The following NIPAL4 variants were observed in gnomAD, a reference collection of about 807,000 sequenced individuals.
NIPAL4 encodes the protein magnesium transporter NIPA4.
A neutral mutation model predicts 31.6 loss-of-function variants in NIPAL4; 21 were observed. The observed-to-expected ratio is 0.67, with a 90% CI of 0.47 to 0.96. NIPAL4 has a LOEUF of 0.96. Among genes scored for constraint, NIPAL4 ranks in the 40% least tolerant of loss-of-function variants. The pLI, the probability that NIPAL4 is intolerant of heterozygous loss-of-function variation, is 0.00. For synonymous variants in NIPAL4, 175 were observed against 211.1 expected, an observed-to-expected ratio of 0.83 and a Z score of 1.48; for missense variants, 438 against 508.0, an observed-to-expected ratio of 0.86 and a Z score of 1.32.
chr5:157,461,370 G>A (rs886857648), intron 1 of NIPAL4, among the ~76,000 whole-genome samples: 3 of 152,240 alleles, frequency 2.0e-5, no homozygotes, highest in Non-Finnish European at 2.9e-5. Flanking sequence ...TGACTCAATG[G>A]AGGATGCTCA....
At chr5:157,469,718 G>C (rs927852893) in intron 4 of NIPAL4, among the ~76,000 whole-genome samples, 1 of 152,212 alleles carries the variant, frequency 6.6e-6, no homozygotes, top group Admixed American at 6.5e-5. Flanking sequence ...AGGAGACTCT[G>C]ATTGTTGGCG....
At position 157,473,102 on chromosome 5, in the gene NIPAL4, T is replaced by C. The variant is rs1476148299; in HGVS notation, c.*142T>C. 4 of 627,076 alleles carry C rather than the reference T, an allele frequency of 6.4e-6. No individual in the cohort carries two copies. Among genetic ancestry groups the C allele is most frequent in the Non-Finnish European group, 7.4e-6 (3 of 407,768 alleles). The allele number at this position is 627,076 out of a possible 1,614,324, so 38.8% of individuals were successfully genotyped here. On this transcript the variant is annotated 3_prime_UTR_variant, in exon 6 of 6. Transcript: ENST00000311946. ...AAGTTCATTTATACCTCATCACTGT[T>C]TCCAGGAGAAAAATCTTTACCCAAA... is the stretch of plus-strand genomic sequence containing the variant.
At chr5:157,467,240 C>A in intron 3 of NIPAL4, 135 bp downstream of exon 3, 1 of 693,630 alleles carries the variant, frequency 1.4e-6, no homozygotes, top group Non-Finnish European at 2.6e-6. Context: ...AGGGGAAAAC[C>A]TTGACAACCT....
At chr5:157,461,146 G>A (rs1754093982) in intron 1 of NIPAL4, among the ~76,000 whole-genome samples, 1 of 152,176 alleles carries the variant, frequency 6.6e-6, no homozygotes, top group African/African-American at 2.4e-5. Context: ...CCCTTCTACA[G>A]TGAAGCTTTC....
intron 5 of NIPAL4, among the ~76,000 whole-genome samples, chr5:157,472,102 T>A (rs1233804002): frequency 1.3e-5 from 2 of 152,224 alleles, no homozygotes; most frequent in Non-Finnish European, 2.9e-5. Context: ...AACAGCTTTA[T>A]GAGGATGATC....
chr5:157,472,421 A>T lies in NIPAL4; in HGVS notation c.676A>T (p.Ile226Phe), dbSNP rs1754465124. The T allele has an allele frequency of 1.9e-6, 3 of 1,613,266 alleles. No homozygotes were observed. The highest frequency in any genetic ancestry group is 2.7e-5 in the African/African-American group (2 of 74,714). ...ACGTTACGGGCAAAGGAATATCCTC[A>T]TCTACATCATCATCTGCTCTGTGAT... ...APRYGQRNIL[I>F]YIIICSVIGA... The change falls in exon 6 of 6, where the codon ATC becomes TTC. Residue 226 changes from isoleucine to phenylalanine, a missense_variant. Physicochemically the swap from Ile to Phe is conservative, Grantham distance 21 (BLOSUM62 0). Transcript: ENST00000311946.
intron 2 of NIPAL4, among the ~76,000 whole-genome samples, chr5:157,465,460 G>A (rs765381673): frequency 7.4e-4 from 112 of 152,130 alleles, no homozygotes; most frequent in Non-Finnish European, 1.4e-3. Flanking sequence ...ATTCCCAAAA[G>A]CAACATAAAT....
chr5:157,460,588 C>T (rs1375945308), intron 1 of NIPAL4: 1 of 694,066 alleles, frequency 1.4e-6, no homozygotes, highest in Admixed American at 2.0e-5. Flanking sequence ...AAGTATGTCC[C>T]CTGGGTTGAG....
At chr5:157,466,040 G>A (rs1421388145) in intron 2 of NIPAL4, among the ~76,000 whole-genome samples, 1 of 137,742 alleles carries the variant, frequency 7.3e-6, no homozygotes, top group Admixed American at 7.2e-5. Flanking sequence ...GGAGGGAGGA[G>A]GGAGGGAAGG....
intron 4 of NIPAL4, among the ~76,000 whole-genome samples, chr5:157,471,221 G>T (rs10037184): frequency 1.1e-4 from 16 of 152,246 alleles, no homozygotes; most frequent in Non-Finnish European, 2.1e-4. Context: ...CTTAGAACCT[G>T]GTGACCCTGG....
At chr5:157,465,715 G>A (rs1754254854) in intron 2 of NIPAL4, among the ~76,000 whole-genome samples, 1 of 152,162 alleles carries the variant, frequency 6.6e-6, no homozygotes, top group Non-Finnish European at 1.5e-5. Context: ...ACCCCAGCTG[G>A]GCACAGTCAC....
At chr5:157,461,680 T>A (rs1021987300) in intron 1 of NIPAL4, among the ~76,000 whole-genome samples, 3 of 152,232 alleles carry the variant, frequency 2.0e-5, no homozygotes, top group Non-Finnish European at 4.4e-5. Context: ...TCATCTTCCC[T>A]TGATTGTGAC....
intron 3 of NIPAL4, 96 bp downstream of exon 3, chr5:157,467,201 G>C (rs534830149): frequency 1.1e-6 from 1 of 889,104 alleles, no homozygotes; most frequent in African/African-American, 1.6e-5. Flanking sequence ...CTCTAGTATG[G>C]CAAGTGTGAA....
rs756098809 is a variant in NIPAL4, at chr5:157,463,330, G to C, written c.274G>C (p.Ala92Pro). The C allele has an allele frequency of 1.2e-6, 2 of 1,607,586 alleles. No individual in the cohort carries two copies. The highest frequency in any genetic ancestry group is 2.2e-5 in the South Asian group (2 of 90,298). The change falls in exon 2 of 6, where the codon GCT (alanine) becomes CCT (proline). Residue 92 changes from alanine to proline, a missense_variant. Transcript: ENST00000311946. ...LRLVATGATR[A>P]VDGGFGYLKD... ...ACTCGTGGCCACGGGAGCCACTCGAGCTGGTAGGTTCCTGGGCCAGGAGAG... is the reference window on the plus strand; with the variant it reads ...ACTCGTGGCCACGGGAGCCACTCGACCTGGTAGGTTCCTGGGCCAGGAGAG...
chr5:157,463,148 A>G lies in NIPAL4; in HGVS notation c.92A>G (p.Asn31Ser), dbSNP rs138368479. 8.4e-4 allele frequency: 1,348 copies of G among 1,613,980 alleles called. 10 individuals carry two copies. The African/African-American group carries it at 0.016, about 20-fold the overall frequency. The part of the protein sequence containing the change: ...SSQEVLCQIV[N>S]DLSPEVPSNA... ...CAAGAAGTCCTGTGCCAGATTGTCA[A>G]TGACCTCAGCCCTGAGGTGCCCAGC... Residue 31 changes from asparagine to serine, a missense_variant, in exon 2 of 6, where the codon AAT becomes AGT. Transcript: ENST00000311946.
In NIPAL4 at chr5:157,473,446, C is replaced by T. The variant is rs1019339513; in HGVS notation, c.*486C>T. The T allele has an allele frequency of 5.8e-5, 9 of 153,984 alleles. No homozygotes were observed. The highest frequency in any genetic ancestry group is 2.2e-4 in the African/African-American group (9 of 41,486). The allele number at this position is 153,984 out of a possible 1,614,324, so 9.5% of individuals were successfully genotyped here. ...AGGCCCACAGAGCAATTGGCCATGC[C>T]TCCCTATCCAGAGCTGACAGGGACA... is the stretch of plus-strand genomic sequence containing the variant. On this transcript the variant is annotated 3_prime_UTR_variant, in exon 6 of 6. Transcript: ENST00000311946.
intron 4 of NIPAL4, among the ~76,000 whole-genome samples, chr5:157,469,185 T>C (rs1388008993): frequency 6.6e-6 from 1 of 152,236 alleles, no homozygotes; most frequent in Non-Finnish European, 1.5e-5. Context: ...CACTTAGTAG[T>C]CACGTTACCA....
intron 2 of NIPAL4, among the ~76,000 whole-genome samples, chr5:157,464,079 G>T (rs1414153410): frequency 6.6e-6 from 1 of 152,024 alleles, no homozygotes; most frequent in Non-Finnish European, 1.5e-5. Flanking sequence ...ATTTTGGAGG[G>T]GTGTGTAAAG....
intron 2 of NIPAL4, among the ~76,000 whole-genome samples, chr5:157,466,211 G>T (rs1424990647): frequency 6.6e-6 from 1 of 152,136 alleles, no homozygotes; most frequent in Non-Finnish European, 1.5e-5. Flanking sequence ...GCAAATAATA[G>T]AGTATTCTGG....
Sources: gnomAD v4.1 joint callset for allele counts (sites outside exome capture counted in the v4.1 genomes callset) on GRCh38, gnomAD v4.1.1 for gene constraint, MANE v1.5 for transcripts, NCBI Gene and HGNC (gene_info 2026-07-23, HGNC 2026-07-21) for gene names.